Variants in IL6R observed in about 807,000 individuals in gnomAD.
IL6R encodes interleukin-6 receptor subunit alpha.
In IL6R, 38 loss-of-function variants were observed where a neutral mutation model predicts 48.3. The ratio of observed to expected loss-of-function variants is 0.79; its 90% confidence interval spans 0.61 to 1.03. The LOEUF is 1.03. Among genes scored for constraint, IL6R ranks in the 50% least tolerant of loss-of-function variants. The probability of loss-of-function intolerance (pLI) is 0.00; values close to 1 mark genes in which losing one functional copy is unlikely to be tolerated. For synonymous variants in IL6R, 264 were observed against 256.2 expected, an observed-to-expected ratio of 1.03 and a Z score of -0.29; for missense variants, 534 against 618.3, an observed-to-expected ratio of 0.86 and a Z score of 1.45.
chr1:154,430,336 A>C, intron 2 of IL6R, 147 bp from the exon 3 acceptor site: 1 of 897,698 alleles, frequency 1.1e-6, no homozygotes. Flanking sequence ...TGTGTGGCTG[A>C]GTGTGGCCAG....
chr1:154,405,490 C>G lies in IL6R; in HGVS notation c.-140C>G, dbSNP rs1247859116. On this transcript the variant is annotated 5_prime_UTR_variant, in exon 1 of 10. Transcript: ENST00000368485. This position sits in a 1 kb window ranked among gnomAD's most constrained non-coding sequence, Gnocchi z 5.2. ...CGCAGTGTGTGTAGAGAGCCGGGCT[C>G]CTGCGGATGGGGGCTGCCCCCGGGG... 2 of 725,594 alleles carry G rather than the reference C, an allele frequency of 2.8e-6. No homozygotes were observed. Among genetic ancestry groups the G allele is most frequent in the East Asian group, 3.2e-5 (1 of 31,390 alleles). The allele number at this position is 725,594 out of a possible 1,614,324, so 44.9% of individuals were successfully genotyped here.
intron 3 of IL6R, among the ~76,000 whole-genome samples, chr1:154,433,015 A>T (rs1404731899): frequency 2.6e-5 from 4 of 152,100 alleles, no homozygotes; most frequent in African/African-American, 9.7e-5. Context: ...TCTGCCTTGG[A>T]CCAGGCGCAG....
chr1:154,465,621 G>C lies in IL6R; in HGVS notation c.*241G>C. The C allele has an allele frequency of 1.8e-6, 1 of 546,032 alleles. No homozygotes were observed. The highest frequency in any genetic ancestry group is 2.1e-5 in the South Asian group (1 of 48,066). The allele number at this position is 546,032 out of a possible 1,614,324, so 33.8% of individuals were successfully genotyped here. The stretch of plus-strand genomic sequence containing the variant: ...AGCTTAAAGGGGCTAGAGTGAACTT[G>C]GGCCACTGTGAAGAGAACCATATCA... On this transcript the variant is annotated 3_prime_UTR_variant, in exon 10 of 10. Coordinates refer to ENST00000368485, the MANE Select transcript of IL6R (RefSeq NM_000565.4).
intron 1 of IL6R, among the ~76,000 whole-genome samples, chr1:154,416,754 G>A (rs995871414): frequency 6.6e-6 from 1 of 152,042 alleles, no homozygotes; most frequent in Admixed American, 6.6e-5. Flanking sequence ...GGGACTTTGG[G>A]GCCTGTATGA....
intron 6 of IL6R, among the ~76,000 whole-genome samples, chr1:154,447,476 T>TACACACAC (rs1230551409): frequency 1.7e-4 from 12 of 68,816 alleles, no homozygotes; most frequent in Admixed American, 4.5e-4. Flanking sequence ...TATATATATA[T>TACACACAC]ACACACACAC....
intron 6 of IL6R, among the ~76,000 whole-genome samples, chr1:154,446,406 C>T (rs761971552): frequency 1.3e-5 from 2 of 152,142 alleles, no homozygotes; most frequent in African/African-American, 2.4e-5. Context: ...TCCCTGACGC[C>T]GAAGCAGGGT....
In IL6R at chr1:154,435,026, C is replaced by T; in HGVS notation, c.677C>T (p.Ala226Val). 2.5e-6 allele frequency: 4 copies of T among 1,614,164 alleles called. No individual in the cohort carries two copies. The highest frequency in any genetic ancestry group is 3.4e-6 in the Non-Finnish European group (4 of 1,180,008). ...CCGCCTGCCAACATCACAGTCACTGCCGTGGCCAGAAACCCCCGCTGGCTC... is the reference window on the plus strand; with the variant it reads ...CCGCCTGCCAACATCACAGTCACTGTCGTGGCCAGAAACCCCCGCTGGCTC... The part of the protein sequence containing the change: ...PDPPANITVT[A>V]VARNPRWLSV... The change falls in exon 5 of 10, where the codon GCC becomes GTC. Residue 226 changes from alanine (A) to valine (V), a missense_variant. Transcript: ENST00000368485.
intron 1 of IL6R, among the ~76,000 whole-genome samples, chr1:154,418,699 C>A (rs1470854686): frequency 6.6e-6 from 1 of 152,064 alleles, no homozygotes. Context: ...TGAATGGGCC[C>A]AGATGGTGGG....
intron 9 of IL6R, among the ~76,000 whole-genome samples, chr1:154,455,001 C>T (rs1015274232): frequency 6.6e-6 from 1 of 151,926 alleles, no homozygotes; most frequent in African/African-American, 2.4e-5. Flanking sequence ...ACAACCTCTG[C>T]CTCCTAGGTT....
At chr1:154,434,906 C>T (rs968137803) in intron 4 of IL6R, 84 bp from the exon 5 acceptor site, 111 of 1,455,874 alleles carry the variant, frequency 7.6e-5, no homozygotes, top group Admixed American at 4.5e-4. Context: ...TGGGTGGGGC[C>T]CTGCTTGCTG....
chr1:154,435,207 C>T (rs763811453), intron 5 of IL6R, 51 bp downstream of exon 5: 21 of 1,566,722 alleles, frequency 1.3e-5, no homozygotes, highest in African/African-American at 1.1e-4. Flanking sequence ...GATGCTTAGG[C>T]GTAGTAGAAA....
At chr1:154,415,264 A>C in intron 1 of IL6R, 1 of 570,514 alleles carries the variant, frequency 1.8e-6, no homozygotes, top group Non-Finnish European at 3.1e-6. Context: ...TATTGTTAAA[A>C]GTTTTAAAAG....
In IL6R at chr1:154,430,494, G is replaced by A; in HGVS notation, c.346G>A (p.Glu116Lys). Reference protein sequence around the residue: ...VHLLVDVPPEEPQLSCFRKSP... With the variant: ...VHLLVDVPPEKPQLSCFRKSP... ...TGCTTTCCTTTCAGTTCCCCCCGAGGAGCCCCAGCTCTCCTGCTTCCGGAA... is the reference window on the plus strand; with the variant it reads ...TGCTTTCCTTTCAGTTCCCCCCGAGAAGCCCCAGCTCTCCTGCTTCCGGAA... Residue 116 changes from glutamate to lysine, a missense_variant, in exon 3 of 10, where the codon GAG becomes AAG. Physicochemically the swap from Glu to Lys is moderately conservative, Grantham distance 56. Coordinates refer to ENST00000368485, the MANE Select transcript of IL6R (RefSeq NM_000565.4). The A allele has an allele frequency of 6.2e-7, 1 of 1,613,688 alleles. No individual in the cohort carries two copies. The highest frequency in any genetic ancestry group is 1.1e-5 in the South Asian group (1 of 91,050).
chr1:154,456,430 C>T (rs1690892988), intron 9 of IL6R, among the ~76,000 whole-genome samples: 1 of 152,070 alleles, frequency 6.6e-6, no homozygotes, highest in Admixed American at 6.6e-5. Flanking sequence ...TGGTCTTGAT[C>T]TCCTGACCTC....
chr1:154,467,651 A>G lies in IL6R; in HGVS notation c.*2271A>G, dbSNP rs1691619760. 1.3e-5 allele frequency: 2 copies of G among 152,294 alleles called. No individual in the cohort carries two copies. The highest frequency in any genetic ancestry group is 4.8e-5 in the African/African-American group (2 of 41,444). 9.4% of individuals were successfully genotyped at this position (152,294 alleles called of 1,614,324 possible). A position where few individuals can be genotyped will look rare whatever the true frequency, so the allele number is the denominator to read the frequency against. Reference sequence around the variant, plus strand: ...CGCGGTGGCTCACGCCTGTAATCCTAGCACTTTGGGAGGCCAAGGTGGGAG... The same window carrying G: ...CGCGGTGGCTCACGCCTGTAATCCTGGCACTTTGGGAGGCCAAGGTGGGAG... On this transcript the variant is annotated 3_prime_UTR_variant, in exon 10 of 10. Coordinates refer to ENST00000368485, the MANE Select transcript of IL6R (RefSeq NM_000565.4).
At chr1:154,407,043 AT>A (rs2149198899) in intron 1 of IL6R, among the ~76,000 whole-genome samples, 1 of 152,292 alleles carries the variant, frequency 6.6e-6, no homozygotes, top group African/African-American at 2.4e-5. Flanking sequence ...AGTGTGGTAG[AT>A]GTCTAAGACT....
At chr1:154,451,699 G>C (rs1393754614) in intron 8 of IL6R, among the ~76,000 whole-genome samples, 1 of 151,822 alleles carries the variant, frequency 6.6e-6, no homozygotes, top group Non-Finnish European at 1.5e-5. Context: ...ACCACGCCTG[G>C]CTAATTTTGT....
Position 154,429,101 on chromosome 1 carries a change from A to G in IL6R, c.86-95A>G, listed in dbSNP as rs562143113. 16 of 1,380,220 alleles carry G rather than the reference A, an allele frequency of 1.2e-5. No individual in the cohort carries two copies. The East Asian group carries it at 1.2e-4, about 10-fold the overall frequency. The allele number at this position is 1,380,220 out of a possible 1,614,324, so 85.5% of individuals were successfully genotyped here. On this transcript the variant is annotated intron_variant, in intron 1 of 9. Transcript: ENST00000368485. ...TGACGGTAGCCTGGGCCACTTCATC[A>G]TTATCACTGAGGCCTCTCGTGGCTT...
chr1:154,458,402 T>C (rs988859038), intron 9 of IL6R, among the ~76,000 whole-genome samples: 1 of 152,208 alleles, frequency 6.6e-6, no homozygotes, highest in East Asian at 1.9e-4. Flanking sequence ...TGAGGGGCCA[T>C]GTCAGCATCC....
Sources: gnomAD v4.1 joint callset for allele counts (sites outside exome capture counted in the v4.1 genomes callset) on GRCh38, gnomAD v4.1.1 for gene constraint, Gnocchi (gnomAD v3.1) non-coding constraint, MANE v1.5 for transcripts, NCBI Gene and HGNC (gene_info 2026-07-23, HGNC 2026-07-21) for gene names.